FER: variants seen among roughly 807,000 people sequenced by gnomAD.
FER encodes the protein FER tyrosine kinase.
A neutral mutation model predicts 111.0 loss-of-function variants in FER; 63 were observed. That is an observed-to-expected ratio of 0.57 (90% CI 0.46 to 0.70). FER has a LOEUF of 0.70. FER is among the 30% of genes least tolerant of loss of function. The pLI, the probability that FER is intolerant of heterozygous loss-of-function variation, is 0.00. For missense variants in FER, 914 were observed against 954.0 expected, an observed-to-expected ratio of 0.96 and a Z score of 0.55; for synonymous variants, 327 against 313.9, an observed-to-expected ratio of 1.04 and a Z score of -0.44.
At chr5:109,045,869 G>A (rs1771897301) in intron 15 of FER, among the ~76,000 whole-genome samples, 1 of 152,310 alleles carries the variant, frequency 6.6e-6, no homozygotes, top group East Asian at 1.9e-4. Flanking sequence ...AGGCTGTGAT[G>A]TTAGCAAGCT....
chr5:109,054,899 TTA>T (rs1263061322), intron 16 of FER, among the ~76,000 whole-genome samples: 5 of 152,332 alleles, frequency 3.3e-5, no homozygotes, highest in African/African-American at 1.2e-4. Flanking sequence ...TTTTTCATAC[TTA>T]TATGTGTCTC....
intron 3 of FER, among the ~76,000 whole-genome samples, chr5:108,806,294 G>T (rs1223490234): frequency 6.6e-6 from 1 of 152,196 alleles, no homozygotes; most frequent in Non-Finnish European, 1.5e-5. Context: ...ATGCCTGGAT[G>T]TCCCAGCAGA....
intron 10 of FER, among the ~76,000 whole-genome samples, chr5:108,926,195 TG>T (rs891738901): frequency 3.3e-4 from 50 of 151,700 alleles, no homozygotes; most frequent in African/African-American, 1.2e-3. Flanking sequence ...CTTCAATCTC[TG>T]ATATATATTC....
intron 16 of FER, among the ~76,000 whole-genome samples, chr5:109,093,622 A>T (rs1213364012): frequency 6.6e-6 from 1 of 152,122 alleles, no homozygotes; most frequent in Non-Finnish European, 1.5e-5. Flanking sequence ...CTGGGTTATG[A>T]TACATTCAAT....
intron 13 of FER, among the ~76,000 whole-genome samples, chr5:109,012,291 A>C (rs569015812): frequency 6.6e-6 from 1 of 152,344 alleles, no homozygotes; most frequent in East Asian, 1.9e-4. Context: ...CAGCCGGTTT[A>C]GTGATTAAAT....
intron 13 of FER, among the ~76,000 whole-genome samples, chr5:109,008,234 A>G (rs1353521543): frequency 1.3e-5 from 2 of 152,386 alleles, no homozygotes; most frequent in East Asian, 1.9e-4. Flanking sequence ...GTCTATTTAA[A>G]TGACATAATG....
chr5:109,062,675 C>T (rs1261156189), intron 16 of FER, among the ~76,000 whole-genome samples: 1 of 152,088 alleles, frequency 6.6e-6, no homozygotes, highest in East Asian at 1.9e-4. Context: ...ACCTTAACCT[C>T]CAAGTACAAT....
chr5:109,091,502 G>T (rs913695996), intron 16 of FER, among the ~76,000 whole-genome samples: 1 of 152,154 alleles, frequency 6.6e-6, no homozygotes, highest in Non-Finnish European at 1.5e-5. Flanking sequence ...TAACTGCCGC[G>T]GGCAAAGAGC....
chr5:109,120,738 G>A (rs1311580172), intron 17 of FER, among the ~76,000 whole-genome samples: 1 of 151,958 alleles, frequency 6.6e-6, no homozygotes, highest in Non-Finnish European at 1.5e-5. Context: ...CATGAACATG[G>A]AATATTTTTT....
At chr5:108,875,601 G>C (rs1395857128) in intron 8 of FER, among the ~76,000 whole-genome samples, 1 of 152,038 alleles carries the variant, frequency 6.6e-6, no homozygotes, top group Non-Finnish European at 1.5e-5. Context: ...TTGAACATTA[G>C]AAGAATATAT....
intron 16 of FER, among the ~76,000 whole-genome samples, chr5:109,068,515 G>A (rs552756093): frequency 6.6e-6 from 1 of 152,258 alleles, no homozygotes; most frequent in South Asian, 2.1e-4. Context: ...CTTATAAAAA[G>A]AAATGCTCAG....
At chr5:108,882,239 G>T (rs1283668176) in intron 8 of FER, among the ~76,000 whole-genome samples, 1 of 151,766 alleles carries the variant, frequency 6.6e-6, no homozygotes, top group Non-Finnish European at 1.5e-5. Flanking sequence ...GATGACCCCT[G>T]AAAAATCTGT....
At chr5:108,963,890 A>G (rs555708963) in intron 13 of FER, among the ~76,000 whole-genome samples, 1 of 152,314 alleles carries the variant, frequency 6.6e-6, no homozygotes, top group East Asian at 1.9e-4. Context: ...ATTTTATCTT[A>G]CATCTGATAT....
At chr5:108,762,812 C>T (rs532018156) in intron 1 of FER, among the ~76,000 whole-genome samples, 2 of 152,204 alleles carry the variant, frequency 1.3e-5, no homozygotes, top group Non-Finnish European at 2.9e-5. Context: ...CTTAGAATGC[C>T]CTTCTTCCAG....
At chr5:108,814,328 C>T (rs1449512151) in intron 3 of FER, among the ~76,000 whole-genome samples, 1 of 152,076 alleles carries the variant, frequency 6.6e-6, no homozygotes, top group Non-Finnish European at 1.5e-5. Context: ...TAATTCAGAA[C>T]AGGTCCACAG....
chr5:108,836,090 TTTAC>T (rs1760630443), intron 5 of FER, among the ~76,000 whole-genome samples: 1 of 152,074 alleles, frequency 6.6e-6, no homozygotes, highest in South Asian at 2.1e-4. Context: ...TTGCATCATA[TTTAC>T]TTATTTAATT....
At chr5:108,895,803 A>G (rs1749003208) in intron 9 of FER, among the ~76,000 whole-genome samples, 1 of 152,180 alleles carries the variant, frequency 6.6e-6, no homozygotes, top group Admixed American at 6.6e-5. Flanking sequence ...AGAGAGTAAA[A>G]TGTATATTAT....
intron 13 of FER, among the ~76,000 whole-genome samples, chr5:109,026,116 TAAAC>T (rs1213758252): frequency 3.3e-5 from 5 of 152,188 alleles, no homozygotes; most frequent in Non-Finnish European, 2.9e-5. Flanking sequence ...TATCCTATAA[TAAAC>T]AAGTTTATTT....
chr5:109,068,135 G>T (rs1406593001), intron 16 of FER, among the ~76,000 whole-genome samples: 1 of 151,802 alleles, frequency 6.6e-6, no homozygotes, highest in Non-Finnish European at 1.5e-5. Context: ...AAGCCCAGTG[G>T]GAAACATACC....
Sources: gnomAD v4.1 joint callset for allele counts (sites outside exome capture counted in the v4.1 genomes callset) on GRCh38, gnomAD v4.1.1 for gene constraint, MANE v1.5 for transcripts, NCBI Gene and HGNC (gene_info 2026-07-23, HGNC 2026-07-21) for gene names.